TNPO1: variants seen among roughly 807,000 people sequenced by gnomAD.
The protein encoded by TNPO1 is transportin 1.
In TNPO1, 8 loss-of-function variants were observed where a neutral mutation model predicts 119.5. The observed-to-expected ratio is 0.07, with a 90% CI of 0.04 to 0.12. The LOEUF is 0.12. Among genes scored for constraint, TNPO1 ranks in the 10% least tolerant of loss-of-function variants. The probability of loss-of-function intolerance (pLI) is 1.00; values close to 1 mark genes in which losing one functional copy is unlikely to be tolerated. For missense variants in TNPO1, 576 were observed against 1,089.8 expected (o/e 0.53, Z 6.64); for synonymous variants, 362 against 363.0 (o/e 1.00, Z 0.03).
chr5:72,890,264 C>G (rs1053007072), intron 14 of TNPO1, among the ~76,000 whole-genome samples: 2 of 152,146 alleles, frequency 1.3e-5, no homozygotes, highest in African/African-American at 4.8e-5. Context: ...TACTTAATTC[C>G]TAATGTTTTT....
intron 2 of TNPO1, among the ~76,000 whole-genome samples, chr5:72,850,350 C>A (rs1179423217): frequency 2.6e-5 from 4 of 152,186 alleles, no homozygotes; most frequent in African/African-American, 7.2e-5. Context: ...AAAGTAGTTA[C>A]ACCTTGCAGT....
rs3797359 is a variant in TNPO1 at position 72,897,930 on chromosome 5, C to T, written c.2338+779C>T. Among the ~76,000 whole-genome samples, 69 of 152,118 alleles carry T rather than the reference C, an allele frequency of 4.5e-4. No individual in the cohort carries two copies. In the East Asian group the frequency reaches 0.011, roughly 23 times the overall value. ...TTTTCCAAATAAGAAAGTTACTTTT[C>T]AAAGGCATTTTTATTTGGTATTTTT... On this transcript the variant is annotated intron_variant, in intron 20 of 24. Coordinates refer to ENST00000337273, the MANE Select transcript of TNPO1 (RefSeq NM_002270.4).
intron 1 of TNPO1, among the ~76,000 whole-genome samples, chr5:72,844,319 T>C (rs72764808): frequency 6.6e-6 from 1 of 152,250 alleles, no homozygotes; most frequent in Non-Finnish European, 1.5e-5. Context: ...CAAGAAAGAC[T>C]CTCAATAAAT....
intron 5 of TNPO1, chr5:72,862,357 C>G (rs1746518657): frequency 6.2e-6 from 1 of 161,576 alleles, no homozygotes; most frequent in Non-Finnish European, 1.3e-5. Context: ...GAGACAGGGT[C>G]TCACTCTGTT....
intron 1 of TNPO1, among the ~76,000 whole-genome samples, chr5:72,826,934 AT>A (rs752638030): frequency 1.1e-4 from 16 of 152,172 alleles, no homozygotes; most frequent in Non-Finnish European, 1.8e-4. Flanking sequence ...TCACATGTTA[AT>A]GTTTTACATT....
chr5:72,856,723 C>T (rs1172107276), intron 4 of TNPO1, among the ~76,000 whole-genome samples: 2 of 152,074 alleles, frequency 1.3e-5, no homozygotes, highest in Non-Finnish European at 2.9e-5. Flanking sequence ...CTTTTCAGAG[C>T]GTTCAGCTTA....
At chr5:72,901,118 AT>A (rs1162612341) in intron 22 of TNPO1, 45 bp downstream of exon 22, 2 of 1,292,426 alleles carry the variant, frequency 1.5e-6, no homozygotes, top group Admixed American at 4.3e-5. Context: ...AATTAATAAA[AT>A]TTTAAAGGAA....
chr5:72,884,122 T>G (rs1481587392), intron 11 of TNPO1, among the ~76,000 whole-genome samples: 3 of 152,206 alleles, frequency 2.0e-5, no homozygotes, highest in African/African-American at 7.2e-5. Flanking sequence ...ACTGTATGTT[T>G]AACCTTTTGA....
intron 1 of TNPO1, among the ~76,000 whole-genome samples, chr5:72,821,090 T>C (rs1321447977): frequency 6.6e-6 from 1 of 152,028 alleles, no homozygotes; most frequent in Non-Finnish European, 1.5e-5. Flanking sequence ...GTAAAGTAAA[T>C]GAAGGTTTTA....
In TNPO1 at chr5:72,882,448, T is replaced by G; in HGVS notation, c.921-19T>G. On this transcript the variant is annotated intron_variant, in intron 9 of 24. Coordinates refer to ENST00000337273, the MANE Select transcript of TNPO1 (RefSeq NM_002270.4). ...TTGAGATCTTAAGGTCTTTGTTTCA[T>G]GAATTTCTTTCTTTATAGGTTGATT... 1 of 1,594,118 alleles carries G rather than the reference T, an allele frequency of 6.3e-7. No homozygotes were observed. Among genetic ancestry groups the G allele is most frequent in the Non-Finnish European group, 8.6e-7 (1 of 1,167,316 alleles).
chr5:72,823,675 T>C (rs770600205), intron 1 of TNPO1, among the ~76,000 whole-genome samples: 4 of 152,170 alleles, frequency 2.6e-5, no homozygotes, highest in Non-Finnish European at 4.4e-5. Flanking sequence ...TCAGTTTAAT[T>C]ACTTCTTTGG....
At chr5:72,858,593 T>G (rs895346492) in intron 4 of TNPO1, among the ~76,000 whole-genome samples, 3 of 152,140 alleles carry the variant, frequency 2.0e-5, no homozygotes, top group African/African-American at 7.2e-5. Flanking sequence ...ATCCCAGCAC[T>G]TTGGGAGGCC....
chr5:72,892,581 C>G (rs1561352420), intron 15 of TNPO1, among the ~76,000 whole-genome samples: 1 of 152,142 alleles, frequency 6.6e-6, no homozygotes, highest in Non-Finnish European at 1.5e-5. Flanking sequence ...GGGATTGTTT[C>G]CAGGACTCCC....
chr5:72,859,549 T>C (rs923407950), intron 4 of TNPO1, among the ~76,000 whole-genome samples: 2 of 152,340 alleles, frequency 1.3e-5, no homozygotes, highest in Admixed American at 6.5e-5. Flanking sequence ...TTTATTAACC[T>C]TAACAATACA....
intron 1 of TNPO1, among the ~76,000 whole-genome samples, chr5:72,831,890 A>ATTTTATC (rs894074465): frequency 3.3e-5 from 5 of 152,014 alleles, no homozygotes; most frequent in Non-Finnish European, 7.4e-5. Context: ...TAACTTAAGT[A>ATTTTATC]TTTTATCTTT....
chr5:72,901,666 A>G (rs1484620604), intron 22 of TNPO1, among the ~76,000 whole-genome samples: 1 of 152,196 alleles, frequency 6.6e-6, no homozygotes, highest in Non-Finnish European at 1.5e-5. Flanking sequence ...AGACACACAA[A>G]ACAAAAACAT....
At chr5:72,849,486 G>C (rs1200981341) in intron 2 of TNPO1, among the ~76,000 whole-genome samples, 2 of 152,112 alleles carry the variant, frequency 1.3e-5, no homozygotes, top group East Asian at 3.8e-4. Context: ...TATGGAGTTT[G>C]GTAAGTAAGC....
At chr5:72,882,887 A>G (rs111553702) in intron 10 of TNPO1, among the ~76,000 whole-genome samples, 177 bp from the exon 11 acceptor site, 24 of 152,126 alleles carry the variant, frequency 1.6e-4, no homozygotes, top group Admixed American at 5.9e-4. Context: ...AGGTCAGTCT[A>G]TTCGCCCCTC....
chr5:72,816,860 C>T (rs1453244178), intron 1 of TNPO1, 108 bp downstream of exon 1: 1 of 1,348,908 alleles, frequency 7.4e-7, no homozygotes, highest in Non-Finnish European at 9.9e-7. Context: ...CTCGCCCGCT[C>T]TCTCGGCGCC....
Sources: gnomAD v4.1 joint callset for allele counts (sites outside exome capture counted in the v4.1 genomes callset) on GRCh38, gnomAD v4.1.1 for gene constraint, MANE v1.5 for transcripts, NCBI Gene and HGNC (gene_info 2026-07-23, HGNC 2026-07-21) for gene names.